PIEZO2: variants seen among roughly 807,000 people sequenced by gnomAD.
PIEZO2 encodes piezo type mechanosensitive ion channel component 2.
In PIEZO2, 172 loss-of-function variants were observed where a neutral mutation model predicts 337.3. That is an observed-to-expected ratio of 0.51 (90% confidence interval 0.45 to 0.58). The LOEUF is 0.58. Ranked by LOEUF, PIEZO2 falls within the 20% of genes least tolerant of loss-of-function variation. The probability of loss-of-function intolerance (pLI) is 0.00; values close to 1 mark genes in which losing one functional copy is unlikely to be tolerated. For missense variants in PIEZO2, 3,028 were observed against 3,391.3 expected (o/e 0.89, Z 2.66); for synonymous variants, 1,251 against 1,228.5 (o/e 1.02, Z -0.38).
In PIEZO2 at chr18:10,995,082, A is replaced by AAAAAAAAAAAAAG. The variant is rs1555689859; in HGVS notation, c.161-15423_161-15422insCTTTTTTTTTTTT. Among the ~76,000 whole-genome samples, 948 of 128,056 alleles carry AAAAAAAAAAAAAG rather than the reference A, an allele frequency of 7.4e-3. 36 individuals are homozygous for AAAAAAAAAAAAAG. Among genetic ancestry groups the AAAAAAAAAAAAAG allele is most frequent in the African/African-American group, 0.027 (856 of 31,942 alleles). 84.0% of individuals were successfully genotyped at this position (128,056 alleles called of 152,430 possible). On this transcript the variant is annotated intron_variant, in intron 2 of 55. Coordinates refer to ENST00000674853, the MANE Select transcript of PIEZO2 (RefSeq NM_001378183.1). ...AACAGAGTGAGACTCCGTCTCAAAA[A>AAAAAAAAAAAAAG]AAAAAAAAAAAAAAGAAAAGCGTTC... is the stretch of plus-strand genomic sequence containing the variant.
Position 10,761,074 on chromosome 18 carries a change from A to AGGTT in PIEZO2, c.3286_3287insAACC (p.Val1096GlufsTer16). ...GTATTCCTGATGGCGGTAAATGGTG[A>AGGTT]CTTCAAAGGCCAGGATAGCCAGCAT... is the stretch of plus-strand genomic sequence containing the variant. On this transcript the variant is annotated frameshift_variant, in exon 24 of 56. Transcript: ENST00000674853. LOFTEE classifies it high-confidence loss of function. 6.5e-7 allele frequency: 1 copy of AGGTT among 1,537,262 alleles called. No homozygotes were observed.
At chr18:10,702,766 TA>T (rs2035397812) in intron 42 of PIEZO2, among the ~76,000 whole-genome samples, 1 of 152,192 alleles carries the variant, frequency 6.6e-6, no homozygotes, top group South Asian at 2.1e-4. Flanking sequence ...TATGATAGAG[TA>T]AATCAACATC....
rs1456854220 is a variant in PIEZO2 at position 10,726,322 on chromosome 18, C to T, written c.5029+5085G>A. The T allele has an allele frequency of 4.4e-6, 6 of 1,365,428 alleles. No homozygotes were observed. In the African/African-American group the frequency reaches 7.3e-5, roughly 17 times the overall value. 84.6% of individuals were successfully genotyped at this position (1,365,428 alleles called of 1,614,324 possible). On this transcript the variant is annotated intron_variant, in intron 36 of 55. Transcript: ENST00000674853. The surrounding 1 kb of genome is among the most constrained non-coding windows in gnomAD (Gnocchi z 5.9). The stretch of plus-strand genomic sequence containing the variant: ...CCCGGCCAGGTGGAGCAGGTGGGTC[C>T]CCGAACGCCCCGCCCAGCGCTGCCT...
At chr18:11,064,120 G>A (rs2038068732) in intron 2 of PIEZO2, among the ~76,000 whole-genome samples, 3 of 152,082 alleles carry the variant, frequency 2.0e-5, no homozygotes, top group Admixed American at 2.0e-4. Context: ...ACTGTCCTGG[G>A]TCCCAGGTTG....
chr18:11,017,953 C>T (rs2036174898), intron 2 of PIEZO2, among the ~76,000 whole-genome samples: 2 of 152,132 alleles, frequency 1.3e-5, no homozygotes, highest in South Asian at 4.1e-4. Context: ...CACAGTGAGA[C>T]CCTGTCTCTA....
At chr18:10,874,869 T>C (rs1321365941) in intron 4 of PIEZO2, among the ~76,000 whole-genome samples, 1 of 152,100 alleles carries the variant, frequency 6.6e-6, no homozygotes, top group African/African-American at 2.4e-5. Flanking sequence ...AATAGAGTTA[T>C]ATAAAAGGAA....
At chr18:10,921,145 T>C (rs960682629) in intron 3 of PIEZO2, among the ~76,000 whole-genome samples, 7 of 152,124 alleles carry the variant, frequency 4.6e-5, no homozygotes, top group African/African-American at 1.7e-4. Flanking sequence ...TTACAGGTGA[T>C]CATTCATTAT....
chr18:10,941,328 C>T (rs2032714838), intron 3 of PIEZO2, among the ~76,000 whole-genome samples: 2 of 152,134 alleles, frequency 1.3e-5, no homozygotes, highest in African/African-American at 4.8e-5. Context: ...TAATACAGAA[C>T]ACTCTGAGAT....
rs2033381239 is a variant in PIEZO2, at chr18:10,953,400, T to C, written c.286+26135A>G. ...TCAATCTTTGCATTTAGGTTTATGATTTGTTTTGAGTTAATTAATTTTTGT... is the reference window on the plus strand; with the variant it reads ...TCAATCTTTGCATTTAGGTTTATGACTTGTTTTGAGTTAATTAATTTTTGT... On this transcript the variant is annotated intron_variant, in intron 3 of 55. Transcript: ENST00000674853. This position sits in a 1 kb window ranked among gnomAD's most constrained non-coding sequence, Gnocchi z 5.2. Among the ~76,000 whole-genome samples, 1 of 152,228 alleles carries C rather than the reference T, an allele frequency of 6.6e-6. No individual in the cohort carries two copies. Among genetic ancestry groups the C allele is most frequent in the Non-Finnish European group, 1.5e-5 (1 of 68,040 alleles).
At chr18:10,879,601 T>G (rs912581682) in intron 4 of PIEZO2, among the ~76,000 whole-genome samples, 1 of 152,078 alleles carries the variant, frequency 6.6e-6, no homozygotes, top group South Asian at 2.1e-4. Flanking sequence ...TTCATCATAT[T>G]AGCCAGGATG....
chr18:10,973,194 G>T lies in PIEZO2; in HGVS notation c.286+6341C>A, dbSNP rs77457692. 1.3e-5 allele frequency among the ~76,000 whole-genome samples: 2 copies of T among 152,188 alleles called. No homozygotes were observed. The highest frequency in any genetic ancestry group is 2.9e-5 in the Non-Finnish European group (2 of 68,032). ...AATATCAACACGGCATTGGCCTAAGGGTTGTTCATACGGGTGGGTGTCATG... is the reference window on the plus strand; with the variant it reads ...AATATCAACACGGCATTGGCCTAAGTGTTGTTCATACGGGTGGGTGTCATG... On this transcript the variant is annotated intron_variant, in intron 3 of 55. Coordinates refer to ENST00000674853, the MANE Select transcript of PIEZO2 (RefSeq NM_001378183.1). The surrounding 1 kb of genome is among the most constrained non-coding windows in gnomAD (Gnocchi z 4.9).
chr18:10,900,240 T>A (rs2043012047), intron 4 of PIEZO2, among the ~76,000 whole-genome samples: 1 of 151,904 alleles, frequency 6.6e-6, no homozygotes, highest in Non-Finnish European at 1.5e-5. Flanking sequence ...TACACATGTA[T>A]ATATATTAAT....
chr18:11,138,025 G>C lies in PIEZO2; in HGVS notation c.64+10500C>G, dbSNP rs927817699. Reference sequence around the variant, plus strand: ...AATTCACATTTATGAAAGTCACAGAGTATATATTAGGCTGTTATAAATTTT... The same window carrying C: ...AATTCACATTTATGAAAGTCACAGACTATATATTAGGCTGTTATAAATTTT... On this transcript the variant is annotated intron_variant, in intron 1 of 55. Coordinates refer to ENST00000674853, the MANE Select transcript of PIEZO2 (RefSeq NM_001378183.1). Among the ~76,000 whole-genome samples the C allele has an allele frequency of 2.0e-5, 3 of 152,182 alleles. No homozygotes were observed. In the South Asian group the frequency reaches 6.4e-4, roughly 32 times the overall value.
intron 7 of PIEZO2, among the ~76,000 whole-genome samples, chr18:10,838,004 G>A (rs528313467): frequency 6.6e-6 from 1 of 151,926 alleles, no homozygotes; most frequent in Non-Finnish European, 1.5e-5. Flanking sequence ...TGTCCGCCTC[G>A]GCCTCCCAAA....
intron 3 of PIEZO2, among the ~76,000 whole-genome samples, chr18:10,975,473 T>A (rs2034407049): frequency 6.6e-6 from 1 of 151,098 alleles, no homozygotes; most frequent in Non-Finnish European, 1.5e-5. Context: ...GTTCTGGAAA[T>A]GAGGGGAAAA....
At chr18:10,695,510 G>T (rs2035041538) in intron 47 of PIEZO2, among the ~76,000 whole-genome samples, 3 of 152,162 alleles carry the variant, frequency 2.0e-5, no homozygotes, top group African/African-American at 4.8e-5. Context: ...AGCAGGATGG[G>T]TCTGCGTGCT....
At chr18:10,843,889 C>T (rs1210268910) in intron 7 of PIEZO2, among the ~76,000 whole-genome samples, 3 of 152,200 alleles carry the variant, frequency 2.0e-5, no homozygotes, top group Non-Finnish European at 4.4e-5. Flanking sequence ...CATGCAGGCT[C>T]AAATTGCTGA....
At chr18:10,892,042 C>T (rs1324498910) in intron 4 of PIEZO2, among the ~76,000 whole-genome samples, 1 of 152,040 alleles carries the variant, frequency 6.6e-6, no homozygotes, top group Non-Finnish European at 1.5e-5. Context: ...GATAGAACAG[C>T]CAATTAAGAG....
intron 49 of PIEZO2, among the ~76,000 whole-genome samples, chr18:10,685,807 G>A (rs757021501): frequency 1.3e-5 from 2 of 152,120 alleles, no homozygotes; most frequent in Non-Finnish European, 2.9e-5. Flanking sequence ...GTACCTAAAG[G>A]GCCTTGTCTT....
Sources: allele counts gnomAD v4.1 joint callset (sites outside exome capture counted in the v4.1 genomes callset), GRCh38; gene constraint gnomAD v4.1.1; non-coding constraint Gnocchi (gnomAD v3.1); transcripts MANE v1.5; gene names NCBI Gene and HGNC (gene_info 2026-07-23, HGNC 2026-07-21).